The following OSBPL6 variants were observed in gnomAD, a reference collection of about 807,000 sequenced individuals.
OSBPL6 encodes the protein oxysterol-binding protein-related protein 6.
In OSBPL6, 49 loss-of-function variants were observed where a neutral mutation model predicts 125.8. The observed-to-expected ratio is 0.39, with a 90% confidence interval of 0.31 to 0.49. The LOEUF is 0.49. Among genes scored for constraint, OSBPL6 ranks in the 20% least tolerant of loss-of-function variants. OSBPL6 has a pLI of 0.88. For missense variants in OSBPL6, 986 were observed against 1,135.4 expected (o/e 0.87, Z 1.89); for synonymous variants, 394 against 391.8 (o/e 1.01, Z -0.07).
intron 11 of OSBPL6, chr2:178,344,268 TCTC>T (rs773140949): frequency 1.2e-6 from 2 of 1,609,920 alleles, no homozygotes; most frequent in South Asian, 2.2e-5. Flanking sequence ...CCTCCCCTCT[TCTC>T]CCATTCACCG....
At chr2:178,359,633 C>A (rs1265615545) in intron 12 of OSBPL6, among the ~76,000 whole-genome samples, 1 of 152,118 alleles carries the variant, frequency 6.6e-6, no homozygotes, top group East Asian at 1.9e-4. Flanking sequence ...TTCACAATAG[C>A]CAAAAAGTGG....
At chr2:178,244,009 A>G (rs1268729359) in intron 1 of OSBPL6, among the ~76,000 whole-genome samples, 2 of 152,062 alleles carry the variant, frequency 1.3e-5, no homozygotes, top group Non-Finnish European at 2.9e-5. Flanking sequence ...AAAGTCTTTC[A>G]CCATCTCCCA....
intron 11 of OSBPL6, among the ~76,000 whole-genome samples, chr2:178,346,857 G>A (rs1019218596): frequency 6.6e-6 from 1 of 151,872 alleles, no homozygotes; most frequent in Non-Finnish European, 1.5e-5. Context: ...CCCATTCCAC[G>A]TACCTCTTTT....
At chr2:178,224,659 G>A (rs1384041222) in intron 1 of OSBPL6, among the ~76,000 whole-genome samples, 1 of 152,210 alleles carries the variant, frequency 6.6e-6, no homozygotes, top group African/African-American at 2.4e-5. Flanking sequence ...TTCTGGCCAG[G>A]TGTGGTGGCT....
chr2:178,210,018 A>G (rs2089771457), intron 1 of OSBPL6, among the ~76,000 whole-genome samples: 3 of 151,560 alleles, frequency 2.0e-5, no homozygotes, highest in African/African-American at 7.3e-5. Flanking sequence ...TTATTTATCT[A>G]TTTATTTATT....
chr2:178,237,292 G>A (rs151153198), intron 1 of OSBPL6, among the ~76,000 whole-genome samples: 82 of 152,190 alleles, frequency 5.4e-4, no homozygotes, highest in African/African-American at 1.9e-3. Context: ...AATTCTTGCT[G>A]CTTACTTTTC....
intron 9 of OSBPL6, among the ~76,000 whole-genome samples, chr2:178,337,203 A>C (rs529469939): frequency 1.3e-5 from 2 of 152,328 alleles, no homozygotes; most frequent in South Asian, 4.1e-4. Context: ...CGGCTCAATT[A>C]GTTTATTTTT....
At chr2:178,299,816 C>T (rs1485040891) in intron 2 of OSBPL6, among the ~76,000 whole-genome samples, 2 of 152,084 alleles carry the variant, frequency 1.3e-5, no homozygotes, top group Admixed American at 1.3e-4. Context: ...CTTTCTTTTC[C>T]CTTTTCCCAC....
intron 19 of OSBPL6, among the ~76,000 whole-genome samples, chr2:178,386,564 T>C (rs1694948957): frequency 6.6e-6 from 1 of 152,216 alleles, no homozygotes; most frequent in Non-Finnish European, 1.5e-5. Context: ...ATTAATTGTA[T>C]TGCTATACTC....
chr2:178,198,657 A>AATAAATAG (rs1553517717), intron 1 of OSBPL6, among the ~76,000 whole-genome samples: 1 of 151,556 alleles, frequency 6.6e-6, no homozygotes, highest in Non-Finnish European at 1.5e-5. Context: ...TAAATAAATA[A>AATAAATAG]GAGAACTGCG....
intron 2 of OSBPL6, among the ~76,000 whole-genome samples, chr2:178,289,961 T>G (rs988093890): frequency 3.3e-5 from 5 of 152,232 alleles, no homozygotes; most frequent in Admixed American, 3.3e-4. Flanking sequence ...GAGGCACATA[T>G]GGTCTAGTTA....
At chr2:178,298,408 T>C (rs1268621208) in intron 2 of OSBPL6, among the ~76,000 whole-genome samples, 2 of 152,210 alleles carry the variant, frequency 1.3e-5, no homozygotes, top group Non-Finnish European at 2.9e-5. Flanking sequence ...TGTTGGATCA[T>C]ATGGCAATCT....
intron 12 of OSBPL6, among the ~76,000 whole-genome samples, chr2:178,352,250 A>G (rs536593661): frequency 1.3e-5 from 2 of 152,308 alleles, no homozygotes; most frequent in African/African-American, 4.8e-5. Flanking sequence ...CAGTGGGTGC[A>G]GCCCACAGAG....
intron 10 of OSBPL6, among the ~76,000 whole-genome samples, chr2:178,339,348 T>C (rs549969878): frequency 1.6e-4 from 24 of 152,190 alleles, no homozygotes; most frequent in Non-Finnish European, 2.5e-4. Context: ...TATTCTTCCA[T>C]GTTTGTGTCC....
chr2:178,332,721 C>G lies in OSBPL6; in HGVS notation c.453C>G (p.Asp151Glu). ...MSIKKKARRIDLDTEEHIYHL... is the reference protein window; with the variant it reads ...MSIKKKARRIELDTEEHIYHL... ...TTAAAAAGAAAGCTCGAAGAATAGACCTTGACACCGAAGAGCACATCTATC... is the reference window on the plus strand; with the variant it reads ...TTAAAAAGAAAGCTCGAAGAATAGAGCTTGACACCGAAGAGCACATCTATC... The change falls in exon 7 of 25, where the codon GAC becomes GAG. Residue 151 changes from aspartate to glutamate, a missense_variant. By Grantham distance (45) the Asp-to-Glu change is conservative. Coordinates refer to ENST00000190611, the MANE Select transcript of OSBPL6 (RefSeq NM_032523.4). 1 of 1,614,102 alleles carries G rather than the reference C, an allele frequency of 6.2e-7. No individual in the cohort carries two copies. The highest frequency in any genetic ancestry group is 8.5e-7 in the Non-Finnish European group (1 of 1,179,976).
At chr2:178,204,488 C>G (rs1265933364) in intron 1 of OSBPL6, among the ~76,000 whole-genome samples, 7 of 152,206 alleles carry the variant, frequency 4.6e-5, no homozygotes, top group Admixed American at 2.0e-4. Context: ...TGGAAACTCA[C>G]TCAAGGTAGT....
At chr2:178,287,404 T>TC (rs1403048766) in intron 2 of OSBPL6, among the ~76,000 whole-genome samples, 6 of 151,846 alleles carry the variant, frequency 4.0e-5, no homozygotes, top group Non-Finnish European at 5.9e-5. Context: ...TATCTTAGTT[T>TC]CCTTCTGCCT....
chr2:178,353,608 A>T (rs1006680759), intron 12 of OSBPL6, among the ~76,000 whole-genome samples: 2 of 152,236 alleles, frequency 1.3e-5, no homozygotes, highest in Admixed American at 6.5e-5. Flanking sequence ...GAAAAGACCA[A>T]ATCTACATTT....
intron 1 of OSBPL6, among the ~76,000 whole-genome samples, chr2:178,264,551 AC>A (rs1202626329): frequency 6.6e-6 from 1 of 152,202 alleles, no homozygotes; most frequent in Admixed American, 6.5e-5. Flanking sequence ...GAGAATGAGG[AC>A]CTTTTTCAAC....
Sources: allele counts gnomAD v4.1 joint callset (sites outside exome capture counted in the v4.1 genomes callset), GRCh38; gene constraint gnomAD v4.1.1; transcripts MANE v1.5; gene names NCBI Gene and HGNC (gene_info 2026-07-23, HGNC 2026-07-21).